Variants in PRH1 observed in about 807,000 individuals in gnomAD.
PRH1 encodes the protein salivary acidic proline-rich phosphoprotein 1/2.
Under a neutral mutation model 7.9 loss-of-function variants are expected in PRH1, and 7 were observed. The ratio of observed to expected loss-of-function variants is 0.89; its 90% CI spans 0.50 to 1.67. The LOEUF is 1.67. PRH1 is among the 40% of genes most tolerant of loss of function. The pLI, the probability that PRH1 is intolerant of heterozygous loss-of-function variation, is 0.00. For missense variants in PRH1, 109 were observed against 223.6 expected (o/e 0.49, Z 3.27); for synonymous variants, 45 against 80.8 (o/e 0.56, Z 2.38).
chr12:10,903,049 A>G (rs1949745680), intron 2 of PRH1, among the ~76,000 whole-genome samples: 1 of 152,214 alleles, frequency 6.6e-6, no homozygotes, highest in Non-Finnish European at 1.5e-5. Context: ...ACCCTCACTT[A>G]AAAGTCACAG....
At chr12:11,103,564 A>G (rs1260297126) in intron 1 of PRH1, among the ~76,000 whole-genome samples, 1 of 152,180 alleles carries the variant, frequency 6.6e-6, no homozygotes, top group East Asian at 1.9e-4. Flanking sequence ...AGGGAGGGAT[A>G]GCATTAGGAG....
At chr12:11,009,038 C>T (rs1406914177) in intron 1 of PRH1, among the ~76,000 whole-genome samples, 2 of 151,088 alleles carry the variant, frequency 1.3e-5, no homozygotes, top group Non-Finnish European at 3.0e-5. Context: ...CAAGAAGATA[C>T]TATTATTTTA....
intron 1 of PRH1, among the ~76,000 whole-genome samples, chr12:11,053,105 G>T (rs1162299474): frequency 6.6e-6 from 1 of 152,272 alleles, no homozygotes; most frequent in Non-Finnish European, 1.5e-5. Context: ...GTCTGTTGCT[G>T]GGTCCCCACC....
intron 1 of PRH1, among the ~76,000 whole-genome samples, chr12:11,164,395 C>A (rs1048922876): frequency 1.3e-5 from 2 of 152,134 alleles, no homozygotes; most frequent in African/African-American, 4.8e-5. Context: ...TATCATGGGA[C>A]TTCTCAGCCT....
chr12:11,133,549 G>C (rs755516536), intron 1 of PRH1: 4 of 1,614,084 alleles, frequency 2.5e-6, no homozygotes, highest in Non-Finnish European at 3.4e-6. Context: ...GAAGAAAGGA[G>C]GTCACAGTTT....
chr12:11,168,276 GA>G lies in PRH1; in HGVS notation n.39+3145del. ...AGAAAGAAAGAAAGAAAGAAAGAAAGAAAGAAAGAAAGAAAGAAAGAAAGAA... is the reference window on the plus strand; with the variant it reads ...AGAAAGAAAGAAAGAAAGAAAGAAAGAAGAAAGAAAGAAAGAAAGAAAGAA... On this transcript the variant is annotated intron_variant and non_coding_transcript_variant, in intron 1 of 1. Transcript: ENST00000541175. 3.3e-3 allele frequency among the ~76,000 whole-genome samples: 108 copies of G among 32,394 alleles called. 2 individuals are homozygous for G. The highest frequency in any genetic ancestry group is 6.8e-3 in the African/African-American group (76 of 11,138). The allele number at this position is 32,394 out of a possible 152,430, so 21.3% of individuals were successfully genotyped here.
chr12:10,898,801 G>A (rs942984837), intron 2 of PRH1, among the ~76,000 whole-genome samples: 10 of 152,166 alleles, frequency 6.6e-5, no homozygotes, highest in African/African-American at 2.2e-4. Flanking sequence ...TGTTTTGTCT[G>A]GGTAAAGTAC....
At chr12:10,889,549 G>T (rs1949541309) in intron 2 of PRH1, among the ~76,000 whole-genome samples, 1 of 152,098 alleles carries the variant, frequency 6.6e-6, no homozygotes, top group Non-Finnish European at 1.5e-5. Context: ...GTAGGTTTAT[G>T]CTCTTTGCTG....
chr12:11,102,110 T>C (rs536699235), intron 1 of PRH1, among the ~76,000 whole-genome samples: 2 of 152,148 alleles, frequency 1.3e-5, no homozygotes, highest in Non-Finnish European at 2.9e-5. Flanking sequence ...AAAATGGCCA[T>C]ACTTCCCAAG....
At chr12:11,073,310 TTA>T in intron 1 of PRH1, among the ~76,000 whole-genome samples, 2 of 116,642 alleles carry the variant, frequency 1.7e-5, no homozygotes, top group African/African-American at 2.9e-5. Flanking sequence ...TTTTTTTTTT[TTA>T]AAGTAGAGAC....
intron 1 of PRH1, among the ~76,000 whole-genome samples, chr12:11,140,075 A>G (rs1435841991): frequency 1.3e-5 from 2 of 151,844 alleles, no homozygotes; most frequent in African/African-American, 4.8e-5. Context: ...TATATTATAC[A>G]TATTTATTTA....
Position 11,093,344 on chromosome 12 carries a change from A to C in PRH1, n.124-46156T>G, listed in dbSNP as rs1372428695. Among the ~76,000 whole-genome samples the C allele has an allele frequency of 3.4e-4, 40 of 116,090 alleles. 12 individuals are homozygous for C. Among genetic ancestry groups the C allele is most frequent in the African/African-American group, 1.1e-3 (39 of 34,606 alleles). The allele number at this position is 116,090 out of a possible 152,430, so 76.2% of individuals were successfully genotyped here. ...CCTCCATAAGATCTGGTTGCTGCTAATACTTTCGTATAACTTCATTATTCA... is the reference window on the plus strand; with the variant it reads ...CCTCCATAAGATCTGGTTGCTGCTACTACTTTCGTATAACTTCATTATTCA... On this transcript the variant is annotated intron_variant and non_coding_transcript_variant, in intron 1 of 4. Coordinates refer to the PRH1 transcript ENST00000541977.
chr12:10,962,809 G>A (rs987114194), intron 2 of PRH1, among the ~76,000 whole-genome samples: 7 of 152,142 alleles, frequency 4.6e-5, no homozygotes, highest in African/African-American at 1.2e-4. Flanking sequence ...TCGCTCTGTC[G>A]CCCAGGCTGG....
upstream of PRH1, chr12:11,171,606 C>T (rs866470561): frequency 9.8e-5 from 118 of 1,210,090 alleles, no homozygotes; most frequent in African/African-American, 1.5e-3. Context: ...GCATGATGGC[C>T]GACTCCCAGG....
intron 1 of PRH1, among the ~76,000 whole-genome samples, chr12:11,144,915 C>T (rs1946819393): frequency 6.6e-6 from 1 of 152,220 alleles, no homozygotes; most frequent in South Asian, 2.1e-4. Flanking sequence ...TTTCCTACTC[C>T]TGCAGTTGGG....
Position 11,169,087 on chromosome 12 carries a change from C to T in PRH1, n.39+2335G>A, listed in dbSNP as rs113880481. Among the ~76,000 whole-genome samples, 598 of 152,298 alleles carry T rather than the reference C, an allele frequency of 3.9e-3. 3 individuals are homozygous for T. The highest frequency in any genetic ancestry group is 6.4e-3 in the Non-Finnish European group (433 of 68,020). Reference sequence around the variant, plus strand: ...CACAGCTGTTAAATTCTGGAGCTGGCTAACCTGATGAAAAGTCAGTTAAAG... The same window carrying T: ...CACAGCTGTTAAATTCTGGAGCTGGTTAACCTGATGAAAAGTCAGTTAAAG... On this transcript the variant is annotated intron_variant and non_coding_transcript_variant, in intron 1 of 1. Coordinates refer to the PRH1 transcript ENST00000541175.
Position 11,083,119 on chromosome 12 carries a change from A to G in PRH1, n.124-35931T>C, listed in dbSNP as rs984178243. Among the ~76,000 whole-genome samples, 200 of 117,586 alleles carry G rather than the reference A, an allele frequency of 1.7e-3. 42 individuals carry two copies. The highest frequency in any genetic ancestry group is 5.3e-3 in the African/African-American group (186 of 35,244). The allele number at this position is 117,586 out of a possible 152,430, so 77.1% of individuals were successfully genotyped here. ...GGTAAAAAATGTGTATAATTATTTT[A>G]TTTAGGGATAAATTTAGAAAAATTG... On this transcript the variant is annotated intron_variant and non_coding_transcript_variant, in intron 1 of 4. Transcript: ENST00000541977.
chr12:10,948,787 T>G (rs571998572), intron 2 of PRH1, among the ~76,000 whole-genome samples: 2 of 152,300 alleles, frequency 1.3e-5, no homozygotes, highest in South Asian at 4.1e-4. Context: ...GTAAATAGAC[T>G]TCCTTTCTGG....
chr12:11,113,143 A>C (rs1945637952), intron 1 of PRH1, among the ~76,000 whole-genome samples: 1 of 151,988 alleles, frequency 6.6e-6, no homozygotes, highest in African/African-American at 2.4e-5. Context: ...TCAAGGAAAT[A>C]AGAGAGGACA....
Sources: gnomAD v4.1 joint callset for allele counts (sites outside exome capture counted in the v4.1 genomes callset) on GRCh38, gnomAD v4.1.1 for gene constraint, MANE v1.5 for transcripts, NCBI Gene and HGNC (gene_info 2026-07-23, HGNC 2026-07-21) for gene names.